RALYL: variants seen among roughly 807,000 people sequenced by gnomAD.
RALYL encodes the protein RALY RNA binding protein like.
Under a neutral mutation model 35.1 loss-of-function variants are expected in RALYL, and 29 were observed. The observed-to-expected ratio is 0.83, with a 90% CI of 0.61 to 1.13. The LOEUF (loss-of-function observed/expected upper bound fraction) is 1.13, where lower values mean the gene tolerates loss of function less well. Among genes scored for constraint, RALYL ranks in the 50% most tolerant of loss-of-function variants. The pLI is 0.00. For missense variants in RALYL, 359 were observed against 360.4 expected, an observed-to-expected ratio of 1.00 and a Z score of 0.03; for synonymous variants, 120 against 127.6, an observed-to-expected ratio of 0.94 and a Z score of 0.40.
chr8:84,663,612 T>C (rs1831334222), intron 2 of RALYL, among the ~76,000 whole-genome samples: 1 of 152,236 alleles, frequency 6.6e-6, no homozygotes, highest in South Asian at 2.1e-4. Flanking sequence ...GCTGCATGCA[T>C]GTCTTCTTTT....
intron 1 of RALYL, among the ~76,000 whole-genome samples, chr8:84,337,448 A>G (rs1409814729): frequency 6.6e-6 from 1 of 152,020 alleles, no homozygotes; most frequent in African/African-American, 2.4e-5. Context: ...GCTGCAGAAG[A>G]TCATTCATCC....
intron 1 of RALYL, among the ~76,000 whole-genome samples, chr8:84,441,112 T>C (rs1223008543): frequency 6.6e-6 from 1 of 152,102 alleles, no homozygotes; most frequent in African/African-American, 2.4e-5. Context: ...TAATAATAAA[T>C]GATACTTTAA....
Position 84,464,153 on chromosome 8 carries a change from T to A in RALYL, c.-23-65146T>A, listed in dbSNP as rs889204892. Among the ~76,000 whole-genome samples the A allele has an allele frequency of 2.0e-4, 30 of 151,122 alleles. 2 individuals carry two copies. The South Asian group carries it at 4.8e-3, about 24-fold the overall frequency. ...CAAGTTTTTTTTTTGTTTTTTTTTT[T>A]ATTATACTTTAAGTTTTAGGGTACA... On this transcript the variant is annotated intron_variant, in intron 1 of 8. Transcript: ENST00000521268.
At chr8:84,342,315 C>A (rs1012093919) in intron 1 of RALYL, among the ~76,000 whole-genome samples, 1 of 77,478 alleles carries the variant, frequency 1.3e-5, no homozygotes, top group Admixed American at 1.3e-4. Context: ...AAAGTGTGGT[C>A]CTCCCAAATC....
intron 2 of RALYL, among the ~76,000 whole-genome samples, chr8:84,554,998 T>A (rs1266429197): frequency 6.6e-6 from 1 of 152,162 alleles, no homozygotes; most frequent in African/African-American, 2.4e-5. Context: ...TAAAATATGT[T>A]GGCCTGGCAC....
At chr8:84,677,428 T>C (rs1456893863) in intron 2 of RALYL, among the ~76,000 whole-genome samples, 1 of 152,142 alleles carries the variant, frequency 6.6e-6, no homozygotes, top group African/African-American at 2.4e-5. Flanking sequence ...AATAAAAGTA[T>C]AAATGGGAAT....
chr8:84,576,805 G>A (rs999107805), intron 2 of RALYL, among the ~76,000 whole-genome samples: 1 of 152,070 alleles, frequency 6.6e-6, no homozygotes, highest in Non-Finnish European at 1.5e-5. Context: ...GTAATATCTG[G>A]TCTCTCCACA....
chr8:84,820,223 T>C (rs1254540262), intron 4 of RALYL, among the ~76,000 whole-genome samples: 1 of 152,202 alleles, frequency 6.6e-6, no homozygotes, highest in Non-Finnish European at 1.5e-5. Context: ...TCACCATTTA[T>C]TTATTTTTAA....
At chr8:84,555,892 C>A (rs1290158737) in intron 2 of RALYL, among the ~76,000 whole-genome samples, 1 of 152,124 alleles carries the variant, frequency 6.6e-6, no homozygotes, top group Non-Finnish European at 1.5e-5. Context: ...CTATAAAGAG[C>A]AGGTGAAGGG....
chr8:84,261,417 GGT>G (rs889743693), intron 1 of RALYL, among the ~76,000 whole-genome samples: 4 of 152,076 alleles, frequency 2.6e-5, no homozygotes, highest in African/African-American at 9.7e-5. Context: ...GAGATCTGGT[GGT>G]TTTACAATGG....
chr8:84,648,441 T>C (rs1240745747), intron 2 of RALYL, among the ~76,000 whole-genome samples: 1 of 152,078 alleles, frequency 6.6e-6, no homozygotes, highest in Non-Finnish European at 1.5e-5. Flanking sequence ...AGTCAGTAGA[T>C]GGTGCCAGAG....
intron 2 of RALYL, among the ~76,000 whole-genome samples, chr8:84,675,738 C>T (rs1037585342): frequency 6.6e-6 from 1 of 152,082 alleles, no homozygotes; most frequent in Non-Finnish European, 1.5e-5. Context: ...TAGATATTCT[C>T]CTTGGCGTTT....
intron 5 of RALYL, among the ~76,000 whole-genome samples, chr8:84,850,860 T>C (rs1471765939): frequency 6.6e-6 from 1 of 152,174 alleles, no homozygotes; most frequent in Non-Finnish European, 1.5e-5. Context: ...AATGTGTGAT[T>C]CTCTTGCCAG....
chr8:84,355,679 A>G (rs1851692715), intron 1 of RALYL, among the ~76,000 whole-genome samples: 1 of 150,324 alleles, frequency 6.7e-6, no homozygotes, highest in South Asian at 2.1e-4. Flanking sequence ...GGAAGTGCAG[A>G]TAGCATGGGA....
chr8:84,454,509 C>T (rs569192374), intron 1 of RALYL, among the ~76,000 whole-genome samples: 1 of 152,130 alleles, frequency 6.6e-6, no homozygotes, highest in Admixed American at 6.5e-5. Flanking sequence ...AAGAGCCTCA[C>T]ATTTTAAATC....
chr8:84,648,118 G>GCACA (rs144476780), intron 2 of RALYL, among the ~76,000 whole-genome samples: 56 of 150,776 alleles, frequency 3.7e-4, no homozygotes, highest in African/African-American at 1.1e-3. Flanking sequence ...GCACATGCGT[G>GCACA]CACACACACA....
chr8:84,280,267 A>C (rs1447857328), intron 1 of RALYL, among the ~76,000 whole-genome samples: 1 of 152,182 alleles, frequency 6.6e-6, no homozygotes. Flanking sequence ...ATTAAATTTC[A>C]GCAACTTGTG....
intron 1 of RALYL, among the ~76,000 whole-genome samples, chr8:84,422,137 T>A (rs1180800891): frequency 6.9e-6 from 1 of 145,648 alleles, no homozygotes; most frequent in African/African-American, 2.6e-5. Context: ...CAGTTCCTCC[T>A]TGTACCTCTG....
intron 1 of RALYL, among the ~76,000 whole-genome samples, chr8:84,443,294 A>G (rs711004): frequency 0.97 from 146,905 of 152,218 alleles, 70,922 homozygotes; most frequent in East Asian, 1. Flanking sequence ...AAAGAGTATT[A>G]CCTCTGTAAC....
Sources: gnomAD v4.1 joint callset for allele counts (sites outside exome capture counted in the v4.1 genomes callset) on GRCh38, gnomAD v4.1.1 for gene constraint, MANE v1.5 for transcripts, NCBI Gene and HGNC (gene_info 2026-07-23, HGNC 2026-07-21) for gene names.